Variants in ENOX2 observed in about 807,000 individuals in gnomAD.
ENOX2 encodes APK1 antigen.
Under a neutral mutation model 45.0 loss-of-function variants are expected in ENOX2, and 36 were observed. The ratio of observed to expected loss-of-function variants is 0.80; its 90% confidence interval spans 0.61 to 1.06. ENOX2 has a LOEUF of 1.06. ENOX2 is among the 50% of genes least tolerant of loss of function. ENOX2 has a pLI of 0.00. For synonymous variants in ENOX2, 174 were observed against 152.3 expected (o/e 1.14, Z -1.05); for missense variants, 423 against 462.5 (o/e 0.91, Z 0.78).
intron 2 of ENOX2, among the ~76,000 whole-genome samples, chrX:130,816,079 AAAAC>A (rs1303386888): frequency 8.1e-5 from 9 of 111,626 alleles, no homozygotes; most frequent in African/African-American, 9.8e-5. Flanking sequence ...AAGCAAAACA[AAAAC>A]AAACAAACAA....
chrX:130,771,588 A>G (rs1458754423), intron 3 of ENOX2, among the ~76,000 whole-genome samples: 1 of 111,768 alleles, frequency 8.9e-6, no homozygotes, highest in East Asian at 2.8e-4. Context: ...CCCTATTTCC[A>G]CAACACTGAC....
intron 3 of ENOX2, among the ~76,000 whole-genome samples, chrX:130,706,938 A>G (rs2038052035): frequency 8.9e-6 from 1 of 112,293 alleles, no homozygotes; most frequent in Non-Finnish European, 1.9e-5. Flanking sequence ...AGCTTGCAAA[A>G]TTTTGCTTTC....
chrX:130,636,917 C>G (rs1296762251), intron 11 of ENOX2, among the ~76,000 whole-genome samples: 1 of 111,667 alleles, frequency 9.0e-6, no homozygotes, highest in Non-Finnish European at 1.9e-5. Context: ...TGTAAAGACC[C>G]TGAGGCCCTG....
intron 10 of ENOX2, among the ~76,000 whole-genome samples, chrX:130,638,067 CT>C (rs752457979): frequency 0.041 from 4,157 of 101,057 alleles, 228 homozygotes; most frequent in African/African-American, 0.14. Flanking sequence ...TCCTTCCTTC[CT>C]TTTTTTTTTT....
intron 2 of ENOX2, among the ~76,000 whole-genome samples, chrX:130,806,970 T>G (rs2077311825): frequency 8.9e-6 from 1 of 112,251 alleles, no homozygotes; most frequent in Non-Finnish European, 1.9e-5. Context: ...CATAGTACAG[T>G]GCCTAACACA....
At chrX:130,632,394 C>T (rs1481161044) in intron 12 of ENOX2, among the ~76,000 whole-genome samples, 7 of 86,633 alleles carry the variant, frequency 8.1e-5, no homozygotes, top group Non-Finnish European at 1.4e-4. Flanking sequence ...AAGAGAAACT[C>T]AGGTGAAATC....
intron 2 of ENOX2, among the ~76,000 whole-genome samples, chrX:130,890,329 A>G (rs936064591): frequency 9.0e-6 from 1 of 111,454 alleles, no homozygotes; most frequent in African/African-American, 3.3e-5. Context: ...TGTTTCCATT[A>G]TCCCGATTTC....
intron 6 of ENOX2, among the ~76,000 whole-genome samples, chrX:130,675,318 T>C (rs112417094): frequency 5.7e-3 from 639 of 111,793 alleles, no homozygotes; most frequent in South Asian, 0.011. Flanking sequence ...TTCTAACTGG[T>C]GTGAGATGGT....
intron 2 of ENOX2, among the ~76,000 whole-genome samples, chrX:130,841,878 G>A (rs1318090712): frequency 8.9e-6 from 1 of 112,105 alleles, no homozygotes; most frequent in Non-Finnish European, 1.9e-5. Context: ...CAATTAAACA[G>A]TTAACAGGGA....
chrX:130,740,941 G>A (rs1276343487), intron 3 of ENOX2, among the ~76,000 whole-genome samples: 1 of 111,265 alleles, frequency 9.0e-6, no homozygotes, highest in East Asian at 2.8e-4. Flanking sequence ...TTCCTCTTCT[G>A]TAAAATGGGC....
intron 2 of ENOX2, among the ~76,000 whole-genome samples, chrX:130,875,122 T>C (rs1056289002): frequency 5.4e-5 from 6 of 111,637 alleles, no homozygotes; most frequent in African/African-American, 2.0e-4. Context: ...GGTTCTGAAG[T>C]GGTGTTACTG....
At chrX:130,787,676 C>A (rs1408536403) in intron 2 of ENOX2, among the ~76,000 whole-genome samples, 1 of 111,434 alleles carries the variant, frequency 9.0e-6, no homozygotes, top group Non-Finnish European at 1.9e-5. Flanking sequence ...CATATGGTAA[C>A]CTTAGGGATA....
At chrX:130,781,322 T>C (rs1373455323) in intron 3 of ENOX2, among the ~76,000 whole-genome samples, 1 of 111,821 alleles carries the variant, frequency 8.9e-6, no homozygotes, top group Non-Finnish European at 1.9e-5. Context: ...CAGGGGCTTA[T>C]TTCACTTATT....
chrX:130,631,811 T>G (rs1261209743), intron 12 of ENOX2, among the ~76,000 whole-genome samples: 2 of 109,570 alleles, frequency 1.8e-5, no homozygotes, highest in Non-Finnish European at 3.8e-5. Context: ...ACCAGTTTTT[T>G]TTTTTTTTTT....
chrX:130,754,792 C>T (rs2039315319), intron 3 of ENOX2, among the ~76,000 whole-genome samples: 1 of 110,942 alleles, frequency 9.0e-6, no homozygotes, highest in Non-Finnish European at 1.9e-5. Context: ...TGTTGGGTAC[C>T]ATGTTCATTA....
chrX:130,750,077 C>T (rs1356220656), intron 3 of ENOX2, among the ~76,000 whole-genome samples: 1 of 110,782 alleles, frequency 9.0e-6, no homozygotes, highest in Non-Finnish European at 1.9e-5. Flanking sequence ...GCATCTCACT[C>T]TGTCTGTCTA....
At chrX:130,868,119 G>A (rs1321651851) in intron 2 of ENOX2, among the ~76,000 whole-genome samples, 2 of 111,458 alleles carry the variant, frequency 1.8e-5, no homozygotes, top group African/African-American at 6.5e-5. Context: ...TTACTTGGAA[G>A]AGTCTGGCAA....
intron 3 of ENOX2, among the ~76,000 whole-genome samples, chrX:130,745,355 C>A (rs1291259248): frequency 9.0e-6 from 1 of 111,422 alleles, no homozygotes; most frequent in African/African-American, 3.3e-5. Context: ...AAGTATAGCA[C>A]AAATGATAAT....
intron 2 of ENOX2, among the ~76,000 whole-genome samples, chrX:130,803,724 GA>G (rs1276440593): frequency 2.7e-5 from 3 of 111,511 alleles, no homozygotes; most frequent in African/African-American, 9.8e-5. Flanking sequence ...AAAAGAAAAA[GA>G]AAAATGCTGA....
Sources: gnomAD v4.1 joint callset for allele counts (sites outside exome capture counted in the v4.1 genomes callset) on GRCh38, gnomAD v4.1.1 for gene constraint, MANE v1.5 for transcripts, NCBI Gene and HGNC (gene_info 2026-07-23, HGNC 2026-07-21) for gene names.